Variants in ILDR1 observed in about 807,000 individuals in gnomAD.
ILDR1 encodes the protein immunoglobulin-like domain-containing receptor 1.
ILDR1 carries 56 observed loss-of-function variants against 62.4 expected under a neutral mutation model. The ratio of observed to expected loss-of-function variants is 0.90; its 90% CI spans 0.72 to 1.12. The LOEUF is 1.12. Ranked by LOEUF, ILDR1 falls within the 50% of genes most tolerant of loss-of-function variation. The pLI, the probability that ILDR1 is intolerant of heterozygous loss-of-function variation, is 0.00. For synonymous variants in ILDR1, 284 were observed against 277.8 expected (o/e 1.02, Z -0.22); for missense variants, 736 against 710.6 (o/e 1.04, Z -0.41).
the ILDR1 span, among the ~76,000 whole-genome samples, chr3:122,061,102 T>TA: frequency 3.3e-5 from 5 of 152,118 alleles, no homozygotes; most frequent in African/African-American, 1.2e-4. Flanking sequence ...AAACATCAAG[T>TA]AAAAATAAAA....
At chr3:121,999,718 C>G (rs1263990694) in intron 5 of ILDR1, among the ~76,000 whole-genome samples, 1 of 152,072 alleles carries the variant, frequency 6.6e-6, no homozygotes, top group African/African-American at 2.4e-5. Context: ...CCAAGGGGAC[C>G]CCAGAGAAAT....
In ILDR1 at chr3:122,007,010, G is replaced by C; in HGVS notation, c.210C>G (p.Ile70Met). The change falls in exon 2 of 8, where the codon ATC becomes ATG. Residue 70 changes from isoleucine to methionine, a missense_variant. Ile to Met is a conservative substitution (Grantham distance 10, BLOSUM62 1). Coordinates refer to ENST00000344209, the MANE Select transcript of ILDR1 (RefSeq NM_001199799.2). Reference protein sequence around the residue: ...WRFKSFCKDPIFDYYSASYQA... With the variant: ...WRFKSFCKDPMFDYYSASYQA... ...ACTCACACGCTGAGTAGTAGTCAAA[G>C]ATAGGGTCCTTGCAGAAGGACTTGA... 1.9e-6 allele frequency: 3 copies of C among 1,612,966 alleles called. No homozygotes were observed. The highest frequency in any genetic ancestry group is 2.5e-6 in the Non-Finnish European group (3 of 1,179,952).
intron 1 of ILDR1, 63 bp from the exon 2 acceptor site, chr3:122,007,224 A>C: frequency 6.2e-7 from 1 of 1,611,312 alleles, no homozygotes; most frequent in Non-Finnish European, 8.5e-7. Context: ...TAAGAAAAAC[A>C]ATGCAAATGG....
Position 121,993,677 on chromosome 3 carries a change from G to T in ILDR1, c.1072C>A (p.Pro358Thr). 6.2e-7 allele frequency: 1 copy of T among 1,614,200 alleles called. No homozygotes were observed. The highest frequency in any genetic ancestry group is 8.5e-7 in the Non-Finnish European group (1 of 1,180,020). The change falls in exon 7 of 8, where the codon CCC (proline) becomes ACC (threonine). Residue 358 changes from proline to threonine, a missense_variant. By Grantham distance (38) the Pro-to-Thr change is conservative (BLOSUM62 -1). Transcript: ENST00000344209. ...TCCCTCAGATCCCAGGGCCTGGAGGGAATTGGGGTGAGCCACTGCTGGTGC... is the reference window on the plus strand; with the variant it reads ...TCCCTCAGATCCCAGGGCCTGGAGGTAATTGGGGTGAGCCACTGCTGGTGC... Reference protein sequence around the residue: ...SLHQQWLTPIPSRPWDLREGR... With the variant: ...SLHQQWLTPITSRPWDLREGR...
In ILDR1 at chr3:121,988,467, A is replaced by G. The variant is rs189641557; in HGVS notation, c.1600-59T>C. 1.7e-4 allele frequency: 220 copies of G among 1,330,750 alleles called. No homozygotes were observed. In the African/African-American group the frequency reaches 2.5e-3, roughly 15 times the overall value. 82.4% of individuals were successfully genotyped at this position (1,330,750 alleles called of 1,614,324 possible). On this transcript the variant is annotated intron_variant, in intron 7 of 7. Transcript: ENST00000344209. ...TCCAGTCAGTGCAATCCGTCTATGC[A>G]TGTAACACATAATGTGCTCTTGATT...
chr3:122,043,071 C>T, the ILDR1 span, among the ~76,000 whole-genome samples: 1 of 141,920 alleles, frequency 7.0e-6, no homozygotes, highest in Non-Finnish European at 1.5e-5. Flanking sequence ...AATCTTTAAT[C>T]CATCTTGAAT....
intron 5 of ILDR1, among the ~76,000 whole-genome samples, chr3:122,000,042 C>T (rs900924827): frequency 2.1e-5 from 3 of 142,918 alleles, no homozygotes; most frequent in Middle Eastern, 7.1e-3. Flanking sequence ...TCCTGGGAAC[C>T]TCTTTGAAAA....
chr3:122,018,395 G>C (rs776441271), intron 1 of ILDR1, among the ~76,000 whole-genome samples: 9 of 108,034 alleles, frequency 8.3e-5, no homozygotes, highest in Non-Finnish European at 1.4e-4. Context: ...CTGTTGGGGT[G>C]GGGGGGGGGT....
chr3:122,028,119 A>G, the ILDR1 span, among the ~76,000 whole-genome samples: 1 of 152,016 alleles, frequency 6.6e-6, no homozygotes, highest in African/African-American at 2.4e-5. Context: ...CTAGGTCAGG[A>G]GATCGAGAGC....
chr3:122,049,733 GA>G, the ILDR1 span, among the ~76,000 whole-genome samples: 1 of 152,204 alleles, frequency 6.6e-6, no homozygotes, highest in Non-Finnish European at 1.5e-5. Flanking sequence ...GTGGTTTTAA[GA>G]GGTGGAGCCT....
At chr3:121,992,303 A>G (rs1309172614) in intron 7 of ILDR1, among the ~76,000 whole-genome samples, 2 of 151,840 alleles carry the variant, frequency 1.3e-5, no homozygotes, top group African/African-American at 4.8e-5. Flanking sequence ...CACCCAGCTA[A>G]TTTTTTGTAT....
intron 3 of ILDR1, 52 bp from the exon 4 acceptor site, chr3:122,001,916 T>C (rs2071533987): frequency 6.2e-7 from 1 of 1,605,952 alleles, no homozygotes; most frequent in Admixed American, 1.7e-5. Flanking sequence ...GAGCACTGGT[T>C]TCTAACCCAT....
At chr3:122,009,710 C>T (rs1437112181) in intron 1 of ILDR1, among the ~76,000 whole-genome samples, 1 of 152,194 alleles carries the variant, frequency 6.6e-6, no homozygotes, top group Non-Finnish European at 1.5e-5. Flanking sequence ...ACAAACAAAA[C>T]AAATGTAGTT....
chr3:122,011,707 C>G (rs2071707319), intron 1 of ILDR1, among the ~76,000 whole-genome samples: 1 of 50,386 alleles, frequency 2.0e-5, no homozygotes, highest in African/African-American at 9.3e-5. Flanking sequence ...GGGAAGAGTC[C>G]CAGGAGAAGA....
chr3:122,001,707 G>A (rs767117281), intron 4 of ILDR1, 38 bp downstream of exon 4: 2 of 1,608,104 alleles, frequency 1.2e-6, no homozygotes, highest in African/African-American at 2.7e-5. Flanking sequence ...TGTTACGGCA[G>A]TGAGGGTGAC....
chr3:122,039,400 T>C, the ILDR1 span, among the ~76,000 whole-genome samples: 1 of 152,052 alleles, frequency 6.6e-6, no homozygotes, highest in Non-Finnish European at 1.5e-5. Context: ...GGAAAAAAGA[T>C]ATTACACGTA....
the ILDR1 span, among the ~76,000 whole-genome samples, chr3:122,059,392 T>C: frequency 6.6e-6 from 1 of 151,896 alleles, no homozygotes; most frequent in Non-Finnish European, 1.5e-5. Context: ...AAAAGTGGTG[T>C]CATAGAAATC....
chr3:122,032,119 G>A, the ILDR1 span, among the ~76,000 whole-genome samples: 133 of 152,266 alleles, frequency 8.7e-4, no homozygotes, highest in Non-Finnish European at 1.7e-3. Context: ...TTGTAACCCT[G>A]CTTAATTATT....
intron 3 of ILDR1, among the ~76,000 whole-genome samples, chr3:122,003,895 G>C (rs2107659237): frequency 6.6e-6 from 1 of 152,160 alleles, no homozygotes; most frequent in Non-Finnish European, 1.5e-5. Flanking sequence ...GGTCAGATAA[G>C]AACAAATTCT....
Sources: allele counts gnomAD v4.1 joint callset (sites outside exome capture counted in the v4.1 genomes callset), GRCh38; gene constraint gnomAD v4.1.1; transcripts MANE v1.5; gene names NCBI Gene and HGNC (gene_info 2026-07-23, HGNC 2026-07-21).